Variants in FRMPD4 observed in about 807,000 individuals in gnomAD.
FRMPD4 encodes FERM and PDZ domain-containing protein 4.
Under a neutral mutation model 94.1 loss-of-function variants are expected in FRMPD4, and 22 were observed. The observed-to-expected ratio is 0.23, with a 90% CI of 0.17 to 0.33. The LOEUF (loss-of-function observed/expected upper bound fraction) is 0.33, where lower values mean the gene tolerates loss of function less well. Ranked by LOEUF, FRMPD4 falls within the 10% of genes least tolerant of loss-of-function variation. The probability of loss-of-function intolerance (pLI) is 1.00; values close to 1 mark genes in which losing one functional copy is unlikely to be tolerated. For synonymous variants in FRMPD4, 631 were observed against 548.6 expected (o/e 1.15, Z -2.10); for missense variants, 1,111 against 1,339.9 (o/e 0.83, Z 2.67).
chrX:12,500,248 C>T (rs2057904037), intron 2 of FRMPD4, among the ~76,000 whole-genome samples: 1 of 111,469 alleles, frequency 9.0e-6, no homozygotes, highest in Non-Finnish European at 1.9e-5. Context: ...ATTCTTTGTT[C>T]CAGCCAAGTT....
At position 12,306,300 on chromosome X, in the gene FRMPD4, A is replaced by G. The variant is rs1273071265; in HGVS notation, c.41+167288A>G. Among the ~76,000 whole-genome samples, 5 of 111,207 alleles carry G rather than the reference A, an allele frequency of 4.5e-5. No homozygotes were observed. The Admixed American group carries it at 4.8e-4, about 11-fold the overall frequency. ...ATTATTCAATTCTTATCTTTCTTTC[A>G]GTTTTCTCCAATAGACTGTGAGATC... is the stretch of plus-strand genomic sequence containing the variant. On this transcript the variant is annotated intron_variant, in intron 1 of 16. Transcript: ENST00000675598.
chrX:12,216,481 C>T, intron 1 of FRMPD4, among the ~76,000 whole-genome samples: 1 of 111,853 alleles, frequency 8.9e-6, no homozygotes, highest in Middle Eastern at 4.6e-3. Context: ...TTCCCAGGTT[C>T]AAGCTGAAGG....
At chrX:12,013,412 G>T (rs1218605781) in intron 3 of FRMPD4, among the ~76,000 whole-genome samples, 1 of 111,827 alleles carries the variant, frequency 8.9e-6, no homozygotes, top group East Asian at 2.8e-4. Context: ...ATCATCTCCA[G>T]GGCCCTTGTG....
chrX:12,552,317 A>G lies in FRMPD4; in HGVS notation c.158+53521A>G, dbSNP rs1000689857. Among the ~76,000 whole-genome samples, 9 of 111,455 alleles carry G rather than the reference A, an allele frequency of 8.1e-5. No homozygotes were observed. In the East Asian group the frequency reaches 2.5e-3, roughly 31 times the overall value. ...TTACAATAAACTACATTATGATTTC[A>G]TATTTCCAATTCAAATTCAGGATTG... is the stretch of plus-strand genomic sequence containing the variant. On this transcript the variant is annotated intron_variant, in intron 2 of 16. Coordinates refer to ENST00000675598, the MANE Select transcript of FRMPD4 (RefSeq NM_001368397.1).
At chrX:12,369,165 T>C (rs995552304) in intron 1 of FRMPD4, among the ~76,000 whole-genome samples, 2 of 110,796 alleles carry the variant, frequency 1.8e-5, no homozygotes, top group Admixed American at 9.6e-5. Context: ...GGCAGTCTGC[T>C]GTATGTAAGG....
chrX:12,222,265 T>C (rs1382510069), intron 1 of FRMPD4, among the ~76,000 whole-genome samples: 1 of 112,413 alleles, frequency 8.9e-6, no homozygotes, highest in African/African-American at 3.2e-5. Flanking sequence ...CTTTTTTCCA[T>C]TTTACTTTTC....
At chrX:12,234,286 AAGAG>A (rs1293398165) in intron 1 of FRMPD4, among the ~76,000 whole-genome samples, 4 of 111,807 alleles carry the variant, frequency 3.6e-5, no homozygotes, top group Non-Finnish European at 3.8e-5. Context: ...CAGAGAGAGA[AAGAG>A]AGAGAGAGTG....
At chrX:12,518,699 G>T (rs962703481) in intron 2 of FRMPD4, among the ~76,000 whole-genome samples, 2 of 111,683 alleles carry the variant, frequency 1.8e-5, no homozygotes, top group African/African-American at 3.3e-5. Context: ...ATGTAGATTG[G>T]AAGTCCTAGA....
At chrX:12,257,504 C>A (rs767596137) in intron 1 of FRMPD4, among the ~76,000 whole-genome samples, 1 of 110,571 alleles carries the variant, frequency 9.0e-6, no homozygotes. Flanking sequence ...AAATCTTTGA[C>A]TTGTTTTGAC....
intron 1 of FRMPD4, among the ~76,000 whole-genome samples, chrX:12,343,601 G>T (rs2055652471): frequency 8.9e-6 from 1 of 112,036 alleles, no homozygotes; most frequent in Admixed American, 9.4e-5. Flanking sequence ...GATTGATCAG[G>T]AGATTACTAG....
In FRMPD4 at chrX:12,690,265, A is replaced by G. The variant is rs1323967943; in HGVS notation, c.752A>G (p.Gln251Arg). 8.3e-7 allele frequency: 1 copy of G among 1,205,418 alleles called. No individual in the cohort carries two copies. Among genetic ancestry groups the G allele is most frequent in the Non-Finnish European group, 1.1e-6 (1 of 889,694 alleles). Reference sequence around the variant, plus strand: ...GAACACTTCTCTCTCATGCTGGAGCAGAGGACAGAAGGGGCTGGAACGAAG... The same window carrying G: ...GAACACTTCTCTCTCATGCTGGAGCGGAGGACAGAAGGGGCTGGAACGAAG... ...GIEHFSLMLE[Q>R]RTEGAGTKLL... Residue 251 changes from glutamine to arginine, a missense_variant, in exon 8 of 17, where the codon CAG becomes CGG. By Grantham distance (43) the Gln-to-Arg change is conservative (BLOSUM62 1). Transcript: ENST00000675598.
intron 8 of FRMPD4, among the ~76,000 whole-genome samples, chrX:12,692,826 C>T (rs1438974042): frequency 8.9e-6 from 1 of 112,369 alleles, no homozygotes; most frequent in Non-Finnish European, 1.9e-5. Flanking sequence ...CAGGACAAAC[C>T]TTCTGGCAAA....
intron 2 of FRMPD4, among the ~76,000 whole-genome samples, chrX:12,586,812 A>G (rs1036955107): frequency 9.0e-6 from 1 of 111,452 alleles, no homozygotes; most frequent in African/African-American, 3.3e-5. Context: ...GGAAAAGATC[A>G]TGTGAATAAT....
rs201075191 is a variant in FRMPD4 at position 11,934,795 on chromosome X, A to C, written c.95+56777A>C. On this transcript the variant is annotated intron_variant, in intron 3 of 18. Transcript: ENST00000640291. ...CATGGCAGACAGTCAGTAAATATTT[A>C]TAGATTGAATGATGAAGGAATGAAT... 2.7e-5 allele frequency among the ~76,000 whole-genome samples: 3 copies of C among 112,085 alleles called. No homozygotes were observed. In the East Asian group the frequency reaches 8.3e-4, roughly 31 times the overall value.
chrX:12,186,054 T>C (rs1031330187), intron 1 of FRMPD4, among the ~76,000 whole-genome samples: 1 of 111,919 alleles, frequency 8.9e-6, no homozygotes, highest in Non-Finnish European at 1.9e-5. Flanking sequence ...ATGGGTAATC[T>C]GCTTTCATGT....
intron 1 of FRMPD4, among the ~76,000 whole-genome samples, chrX:11,851,053 A>G (rs1260090800): frequency 9.0e-6 from 1 of 111,676 alleles, no homozygotes; most frequent in Non-Finnish European, 1.9e-5. Context: ...TTCATGACTT[A>G]CCCTGCCCCG....
chrX:12,029,500 A>G, intron 3 of FRMPD4, among the ~76,000 whole-genome samples: 1 of 111,725 alleles, frequency 9.0e-6, no homozygotes, highest in African/African-American at 3.3e-5. Context: ...TCTTTCTTTC[A>G]TGGATCATGC....
In FRMPD4 at chrX:12,609,729, C is replaced by T. The variant is rs1348747155; in HGVS notation, c.167C>T (p.Thr56Ile). ...ATGTGCTTTCTCCACAGTCACATGA[C>T]ACAGGCAATCCCTTTTGACGACCCT... ...DGRDYFINHMTQAIPFDDPRL... is the reference protein window; with the variant it reads ...DGRDYFINHMIQAIPFDDPRL... Residue 56 changes from threonine to isoleucine, a missense_variant, in exon 3 of 17, where the codon ACA (threonine) becomes ATA (isoleucine). By Grantham distance (89) the Thr-to-Ile change is moderately conservative (BLOSUM62 -1). Around this residue, in one of 8 missense-constraint regions of FRMPD4, gnomAD observed 140 missense variants for 165.9 expected, o/e 0.84. Transcript: ENST00000675598. 1 of 1,205,853 alleles carries T rather than the reference C, an allele frequency of 8.3e-7. No individual in the cohort carries two copies. Among genetic ancestry groups the T allele is most frequent in the African/African-American group, 1.7e-5 (1 of 57,294 alleles).
intron 2 of FRMPD4, among the ~76,000 whole-genome samples, chrX:12,552,758 AC>A (rs1466595897): frequency 1.8e-5 from 2 of 112,308 alleles, no homozygotes; most frequent in Admixed American, 1.9e-4. Flanking sequence ...GAGAAGACTA[AC>A]TTTTATCCCT....
Sources: allele counts gnomAD v4.1 joint callset (sites outside exome capture counted in the v4.1 genomes callset), GRCh38; gene constraint gnomAD v4.1.1; regional missense constraint gnomAD v4.1.1; transcripts MANE v1.5; gene names NCBI Gene and HGNC (gene_info 2026-07-23, HGNC 2026-07-21).